The following CCDC186 variants were observed in gnomAD, a reference collection of about 807,000 sequenced individuals.
CCDC186 encodes coiled-coil domain-containing protein 186.
A neutral mutation model predicts 113.7 loss-of-function variants in CCDC186; 49 were observed. The observed-to-expected ratio is 0.43, with a 90% CI of 0.34 to 0.55. The LOEUF (loss-of-function observed/expected upper bound fraction) is 0.55. CCDC186 is among the 20% of genes least tolerant of loss of function. CCDC186 has a pLI of 0.02. For synonymous variants in CCDC186, 355 were observed against 345.8 expected (o/e 1.03, Z -0.30); for missense variants, 890 against 1,011.1 (o/e 0.88, Z 1.62).
intron 13 of CCDC186, among the ~76,000 whole-genome samples, chr10:114,129,097 G>A (rs2031003967): frequency 6.6e-6 from 1 of 152,156 alleles, no homozygotes; most frequent in Non-Finnish European, 1.5e-5. Flanking sequence ...GAAGCCAGGA[G>A]TTCAAGATCA....
chr10:114,159,873 G>A (rs1199654509), intron 2 of CCDC186, among the ~76,000 whole-genome samples: 1 of 151,946 alleles, frequency 6.6e-6, no homozygotes, highest in African/African-American at 2.4e-5. Context: ...GAGGTGGGAG[G>A]ACAACTTGAG....
Position 114,145,166 on chromosome 10 carries a change from T to C in CCDC186, c.1101+383A>G, listed in dbSNP as rs1442930868. ...ATGGTGATGTGTTATATTAAGATTA[T>C]ATCAAATTATACTTCTGGTTCTAAA... is the stretch of plus-strand genomic sequence containing the variant. On this transcript the variant is annotated intron_variant, in intron 5 of 15. Coordinates refer to ENST00000369287, the MANE Select transcript of CCDC186 (RefSeq NM_018017.4). Among the ~76,000 whole-genome samples, 3 of 152,126 alleles carry C rather than the reference T, an allele frequency of 2.0e-5. No individual in the cohort carries two copies. In the East Asian group the frequency reaches 5.8e-4, roughly 29 times the overall value.
rs1457184514 is a variant in CCDC186, at chr10:114,162,900, C to T, written c.369G>A (p.Arg123=). 6.2e-7 allele frequency: 1 copy of T among 1,613,762 alleles called. No individual in the cohort carries two copies. Among genetic ancestry groups the T allele is most frequent in the Non-Finnish European group, 8.5e-7 (1 of 1,179,934 alleles). ...QKVTQILVEL[R]SSTFPESANE... ...TAGCTGATTCTGGAAATGTAGATGA[C>T]CTTAATTCCACCAATATTTGTGTTA... Residue 123 remains arginine, a synonymous_variant, in exon 2 of 16, where the codon AGG becomes AGA. Transcript: ENST00000369287.
chr10:114,131,612 T>G (rs2031090457), intron 11 of CCDC186, among the ~76,000 whole-genome samples: 1 of 152,164 alleles, frequency 6.6e-6, no homozygotes. Flanking sequence ...ATGAGTAACT[T>G]GAAGACACTC....
At chr10:114,145,400 A>T (rs2031604559) in intron 5 of CCDC186, 149 bp downstream of exon 5, 1 of 686,224 alleles carries the variant, frequency 1.5e-6, no homozygotes. Flanking sequence ...ATTACTAAAA[A>T]ATTCATGGTT....
chr10:114,173,107 A>G (rs1172708226), intron 1 of CCDC186: 1 of 412,110 alleles, frequency 2.4e-6, no homozygotes, highest in East Asian at 7.2e-5. Flanking sequence ...CATCAAAGGA[A>G]CATGACACAC....
rs764200532 is a variant in CCDC186 at position 114,126,086 on chromosome 10, A to G, written c.2413T>C (p.Leu805=). ...KKTKIIQSYI[L]REESGTLSSE... ...GAAAGTGTGCCTGATTCTTCTCGTAAAATATAACTTTGAATTATTCTGCAA... is the reference window on the plus strand; with the variant it reads ...GAAAGTGTGCCTGATTCTTCTCGTAGAATATAACTTTGAATTATTCTGCAA... The change falls in exon 15 of 16, where the codon TTA becomes CTA. Residue 805 remains leucine, a synonymous_variant. Transcript: ENST00000369287. 9.3e-6 allele frequency: 15 copies of G among 1,613,736 alleles called. No homozygotes were observed. The highest frequency in any genetic ancestry group is 1.3e-5 in the Non-Finnish European group (15 of 1,179,874).
At chr10:114,173,630 A>G (rs1365585614) in intron 1 of CCDC186, among the ~76,000 whole-genome samples, 1 of 152,198 alleles carries the variant, frequency 6.6e-6, no homozygotes, top group East Asian at 1.9e-4. Flanking sequence ...ACGAAAAACG[A>G]AATAGGCGAT....
At position 114,130,070 on chromosome 10, in the gene CCDC186, A is replaced by G. The variant is rs559737285; in HGVS notation, c.2102-99T>C. On this transcript the variant is annotated intron_variant, in intron 12 of 15. Coordinates refer to ENST00000369287, the MANE Select transcript of CCDC186 (RefSeq NM_018017.4). The stretch of plus-strand genomic sequence containing the variant: ...AAAATCACTGAGGCAAAAATGGCAT[A>G]GACAAGAGAAAGTTCTTGAATACAT... 1.9e-5 allele frequency: 19 copies of G among 1,015,386 alleles called. No homozygotes were observed. In the East Asian group the frequency reaches 4.3e-4, roughly 23 times the overall value. The allele number at this position is 1,015,386 out of a possible 1,614,324, so 62.9% of individuals were successfully genotyped here. A position where few individuals can be genotyped will look rare whatever the true frequency, so the allele number is the denominator to read the frequency against.
intron 8 of CCDC186, 59 bp from the exon 9 acceptor site, chr10:114,136,036 T>A (rs1420523381): frequency 6.5e-7 from 1 of 1,535,510 alleles, no homozygotes; most frequent in Non-Finnish European, 9.0e-7. Flanking sequence ...ATCTAAGATT[T>A]ATTGCCTGTT....
chr10:114,165,479 G>C (rs1488784119), intron 1 of CCDC186, among the ~76,000 whole-genome samples: 1 of 151,766 alleles, frequency 6.6e-6, no homozygotes, highest in African/African-American at 2.4e-5. Flanking sequence ...AGATCACAAG[G>C]TCAGGAGTTC....
chr10:114,138,658 T>C (rs2031361039), intron 6 of CCDC186, among the ~76,000 whole-genome samples: 1 of 152,132 alleles, frequency 6.6e-6, no homozygotes, highest in Non-Finnish European at 1.5e-5. Flanking sequence ...CAATTACTTC[T>C]TCTTCTTCTT....
intron 4 of CCDC186, among the ~76,000 whole-genome samples, chr10:114,146,919 G>A (rs771206584): frequency 5.3e-5 from 8 of 152,170 alleles, no homozygotes; most frequent in Non-Finnish European, 1.2e-4. Flanking sequence ...AGTCAACACT[G>A]AGAATGCTAT....
At position 114,132,010 on chromosome 10, in the gene CCDC186, C is replaced by A; in HGVS notation, c.1830G>T (p.Gln610His). ...AQLQSESNSL[Q>H]SQFDKVSCSE... Reference sequence around the variant, plus strand: ...TACAGGAAACTTTATCAAATTGTGACTGCAAAGAATTGGATTCAGACTGAA... The same window carrying A: ...TACAGGAAACTTTATCAAATTGTGAATGCAAAGAATTGGATTCAGACTGAA... Residue 610 changes from glutamine to histidine, a missense_variant, in exon 11 of 16, where the codon CAG becomes CAT. By Grantham distance (24) the Gln-to-His change is conservative. Coordinates refer to ENST00000369287, the MANE Select transcript of CCDC186 (RefSeq NM_018017.4). The A allele has an allele frequency of 5.6e-6, 9 of 1,613,232 alleles. No homozygotes were observed. The highest frequency in any genetic ancestry group is 7.6e-6 in the Non-Finnish European group (9 of 1,179,654).
At chr10:114,134,100 A>G (rs1379794297) in intron 10 of CCDC186, among the ~76,000 whole-genome samples, 4 of 152,224 alleles carry the variant, frequency 2.6e-5, no homozygotes, top group East Asian at 1.9e-4. Flanking sequence ...TTCTTCCATG[A>G]TAACAGCAGA....
At chr10:114,140,031 G>C (rs2031415179) in intron 6 of CCDC186, among the ~76,000 whole-genome samples, 2 of 152,188 alleles carry the variant, frequency 1.3e-5, no homozygotes, top group Non-Finnish European at 2.9e-5. Flanking sequence ...AGTATTCACT[G>C]GGCATCTATG....
At position 114,145,663 on chromosome 10, in the gene CCDC186, T is replaced by C. The variant is rs780050261; in HGVS notation, c.987A>G (p.Lys329=). The C allele has an allele frequency of 3.1e-6, 5 of 1,613,112 alleles. No individual in the cohort carries two copies. In the South Asian group the frequency reaches 5.5e-5, roughly 18 times the overall value. Residue 329 remains lysine (K), a synonymous_variant, in exon 5 of 16, where the codon AAA becomes AAG. Coordinates refer to ENST00000369287, the MANE Select transcript of CCDC186 (RefSeq NM_018017.4). ...EKESLDLRKE[K]ETLEKKLRDA... is the part of the protein sequence containing the mutation. Reference sequence around the variant, plus strand: ...CTCTAAGTTTTTTCTCAAGTGTCTCTTTTTCCTTTCGAAGATCTAAAGATT... The same window carrying C: ...CTCTAAGTTTTTTCTCAAGTGTCTCCTTTTCCTTTCGAAGATCTAAAGATT...
chr10:114,154,234 A>T (rs1279680594), intron 3 of CCDC186, among the ~76,000 whole-genome samples: 1 of 151,074 alleles, frequency 6.6e-6, no homozygotes, highest in Non-Finnish European at 1.5e-5. Flanking sequence ...AAAAGAAAAG[A>T]AAAAGAAAAA....
At chr10:114,154,842 G>A (rs1234121358) in intron 3 of CCDC186, among the ~76,000 whole-genome samples, 5 of 150,784 alleles carry the variant, frequency 3.3e-5, no homozygotes, top group Non-Finnish European at 7.5e-5. Context: ...AACTGATGAA[G>A]GGGTAAACAA....
Sources: allele counts gnomAD v4.1 joint callset (sites outside exome capture counted in the v4.1 genomes callset), GRCh38; gene constraint gnomAD v4.1.1; transcripts MANE v1.5; gene names NCBI Gene and HGNC (gene_info 2026-07-23, HGNC 2026-07-21).